Variants in FOXP2 observed in about 807,000 individuals in gnomAD.
FOXP2 encodes forkhead box P2.
In FOXP2, 12 loss-of-function variants were observed where a neutral mutation model predicts 115.8. That is an observed-to-expected ratio of 0.10 (90% CI 0.07 to 0.17). The LOEUF is 0.17. Ranked by LOEUF, FOXP2 falls within the 10% of genes least tolerant of loss-of-function variation. The probability of loss-of-function intolerance (pLI) is 1.00; values close to 1 mark genes in which losing one functional copy is unlikely to be tolerated. For missense variants in FOXP2, 629 were observed against 843.5 expected (o/e 0.75, Z 3.15); for synonymous variants, 328 against 297.7 (o/e 1.10, Z -1.05).
intron 2 of FOXP2, among the ~76,000 whole-genome samples, chr7:114,460,136 A>C (rs868278804): frequency 6.6e-6 from 1 of 152,120 alleles, no homozygotes; most frequent in African/African-American, 2.4e-5. Context: ...TTATTTATTT[A>C]TTCACTCAAC....
chr7:114,100,546 G>A (rs1484850349), intron 1 of FOXP2, among the ~76,000 whole-genome samples: 1 of 151,878 alleles, frequency 6.6e-6, no homozygotes, highest in Non-Finnish European at 1.5e-5. Context: ...TGTTTTTTAA[G>A]TTCAGTTATC....
chr7:114,237,403 T>C (rs1200067595), intron 1 of FOXP2, among the ~76,000 whole-genome samples: 1 of 152,216 alleles, frequency 6.6e-6, no homozygotes, highest in East Asian at 1.9e-4. Flanking sequence ...AGGCATAAAA[T>C]GGGAATAGCA....
intron 1 of FOXP2, chr7:114,285,318 T>C (rs1272396641): frequency 6.6e-6 from 1 of 152,188 alleles, no homozygotes; most frequent in African/African-American, 2.4e-5. Flanking sequence ...TCTCACTACC[T>C]ACTTCAGCTA....
At chr7:114,578,213 G>A (rs1301778302) in intron 3 of FOXP2, among the ~76,000 whole-genome samples, 1 of 151,826 alleles carries the variant, frequency 6.6e-6, no homozygotes, top group African/African-American at 2.4e-5. Context: ...TTATATTGAG[G>A]CTGGAAAACA....
At chr7:114,299,756 T>C (rs1039547890) in intron 2 of FOXP2, among the ~76,000 whole-genome samples, 4 of 152,064 alleles carry the variant, frequency 2.6e-5, no homozygotes, top group Non-Finnish European at 4.4e-5. Context: ...GATTTCTATT[T>C]GCATAATGCA....
At chr7:114,278,475 C>A (rs1796247607) in intron 1 of FOXP2, among the ~76,000 whole-genome samples, 1 of 151,996 alleles carries the variant, frequency 6.6e-6, no homozygotes, top group African/African-American at 2.4e-5. Context: ...CCCTCTCAGT[C>A]TCCCGAGTAG....
chr7:114,353,085 A>G (rs1190614836), intron 2 of FOXP2, among the ~76,000 whole-genome samples: 1 of 152,066 alleles, frequency 6.6e-6, no homozygotes, highest in Non-Finnish European at 1.5e-5. Flanking sequence ...TCAACCTCTC[A>G]CCACTGTCCA....
chr7:114,559,408 ATATCCTCTTTCTGTTAT>A (rs1427506210), intron 3 of FOXP2, among the ~76,000 whole-genome samples: 2 of 152,088 alleles, frequency 1.3e-5, no homozygotes, highest in Non-Finnish European at 2.9e-5. Context: ...AGAGGTGTCC[ATATCCTCTTTCTGTTAT>A]TGGCTTCTCT....
At chr7:114,310,656 T>TTTGTTG (rs370289479) in intron 2 of FOXP2, among the ~76,000 whole-genome samples, 5 of 151,710 alleles carry the variant, frequency 3.3e-5, no homozygotes, top group Non-Finnish European at 5.9e-5. Context: ...AGATTCTGTG[T>TTTGTTG]TTGTTGTTGT....
intron 16 of FOXP2, among the ~76,000 whole-genome samples, chr7:114,671,753 G>A (rs775559558): frequency 1.3e-5 from 2 of 152,132 alleles, no homozygotes; most frequent in East Asian, 1.9e-4. Flanking sequence ...TTGGGAAGTG[G>A]ATATATGTTG....
At chr7:114,294,149 T>A (rs1025774462) in intron 2 of FOXP2, among the ~76,000 whole-genome samples, 2 of 152,218 alleles carry the variant, frequency 1.3e-5, no homozygotes, top group Admixed American at 6.5e-5. Flanking sequence ...TCACCTGGAA[T>A]ACTGATTTTG....
intron 2 of FOXP2, among the ~76,000 whole-genome samples, chr7:114,387,065 A>C (rs184405702): frequency 6.6e-6 from 1 of 152,306 alleles, no homozygotes; most frequent in East Asian, 1.9e-4. Context: ...ATTTAACTTC[A>C]AAAGTTAAGT....
chr7:114,679,837 T>G (rs1244586432), intron 16 of FOXP2, among the ~76,000 whole-genome samples: 1 of 152,210 alleles, frequency 6.6e-6, no homozygotes, highest in Admixed American at 6.5e-5. Flanking sequence ...TATAATACTT[T>G]ACCTACTGTG....
At chr7:114,092,484 A>G (rs1298427957) in intron 1 of FOXP2, among the ~76,000 whole-genome samples, 2 of 151,994 alleles carry the variant, frequency 1.3e-5, no homozygotes, top group Non-Finnish European at 2.9e-5. Context: ...TTTAGTATAC[A>G]CACCCAACGA....
intron 1 of FOXP2, among the ~76,000 whole-genome samples, chr7:114,141,342 TA>T (rs1792202494): frequency 2.6e-5 from 4 of 152,282 alleles, no homozygotes; most frequent in East Asian, 3.9e-4. Flanking sequence ...ATGCTTTATA[TA>T]ACAACAGAGA....
At chr7:114,171,440 T>A (rs1793137167) in intron 1 of FOXP2, among the ~76,000 whole-genome samples, 2 of 152,110 alleles carry the variant, frequency 1.3e-5, no homozygotes, top group South Asian at 2.1e-4. Flanking sequence ...GGGCATGGTG[T>A]CATGTGCCTG....
At chr7:114,506,121 A>C (rs966218594) in intron 2 of FOXP2, among the ~76,000 whole-genome samples, 1 of 151,872 alleles carries the variant, frequency 6.6e-6, no homozygotes. Context: ...ATACTTGCTT[A>C]GTGAATGAAC....
In FOXP2 at chr7:114,135,751, A is replaced by G. The variant is rs564286524; in HGVS notation, c.-246-27193A>G. On this transcript the variant is annotated intron_variant, in intron 1 of 19. Coordinates refer to the FOXP2 transcript ENST00000635638. Reference sequence around the variant, plus strand: ...CTGTTTCTGATTTTGAAAAATTTGTAGTTACAAAATCTAATTTACTTAACC... The same window carrying G: ...CTGTTTCTGATTTTGAAAAATTTGTGGTTACAAAATCTAATTTACTTAACC... Among the ~76,000 whole-genome samples the G allele has an allele frequency of 2.0e-5, 3 of 152,236 alleles. No individual in the cohort carries two copies. In the East Asian group the frequency reaches 5.8e-4, roughly 29 times the overall value.
chr7:114,431,741 T>C (rs1379439436), intron 2 of FOXP2, among the ~76,000 whole-genome samples: 1 of 151,904 alleles, frequency 6.6e-6, no homozygotes, highest in East Asian at 1.9e-4. Context: ...GAAAACAATT[T>C]TATTTTTGAG....
Sources: gnomAD v4.1 joint callset for allele counts (sites outside exome capture counted in the v4.1 genomes callset) on GRCh38, gnomAD v4.1.1 for gene constraint, MANE v1.5 for transcripts, NCBI Gene and HGNC (gene_info 2026-07-23, HGNC 2026-07-21) for gene names.